Variants in GLIS3 observed in about 807,000 individuals in gnomAD.
The protein encoded by GLIS3 is GLIS family zinc finger 3.
In GLIS3, 53 loss-of-function variants were observed where a neutral mutation model predicts 78.6. The ratio of observed to expected loss-of-function variants is 0.67; its 90% CI spans 0.54 to 0.85. The LOEUF (loss-of-function observed/expected upper bound fraction) is 0.85, where lower values mean the gene tolerates loss of function less well. Among genes scored for constraint, GLIS3 ranks in the 40% least tolerant of loss-of-function variants. The pLI is 0.00. For missense variants in GLIS3, 1,703 were observed against 1,231.1 expected (o/e 1.38, Z -5.74); for synonymous variants, 684 against 509.9 (o/e 1.34, Z -4.60).
chr9:4,099,136 G>C lies in GLIS3; in HGVS notation c.1710+18632C>G, dbSNP rs887463595. ...ACCTGCAGCAGCCTGCAGGTGGCCA[G>C]CACATAGGGCTGTCTGAATTAGATT... On this transcript the variant is annotated intron_variant, in intron 4 of 10. Transcript: ENST00000381971. Among the ~76,000 whole-genome samples, 5 of 152,334 alleles carry C rather than the reference G, an allele frequency of 3.3e-5. No individual in the cohort carries two copies. In the South Asian group the frequency reaches 1.0e-3, roughly 32 times the overall value.
intron 8 of GLIS3, among the ~76,000 whole-genome samples, chr9:3,858,774 C>T (rs1563783598): frequency 6.6e-6 from 1 of 152,140 alleles, no homozygotes; most frequent in East Asian, 1.9e-4. Flanking sequence ...GAAGTGATCA[C>T]AATTATCCAG....
chr9:4,300,244 ACACT>A (rs1251578094), upstream of GLIS3, among the ~76,000 whole-genome samples: 1 of 119,738 alleles, frequency 8.4e-6, no homozygotes, highest in Non-Finnish European at 1.9e-5. Flanking sequence ...ACACACACAC[ACACT>A]CCCCGTGCGC....
Position 4,177,272 on chromosome 9 carries a change from T to C in GLIS3, c.389-51331A>G, listed in dbSNP as rs1486970935. ...CTTCATGACTCTGCCCATTTATCTA[T>C]TGGTTGGCAACATATGACCTCAAAT... On this transcript the variant is annotated intron_variant, in intron 2 of 10. Transcript: ENST00000381971. Among the ~76,000 whole-genome samples, 4 of 152,232 alleles carry C rather than the reference T, an allele frequency of 2.6e-5. No homozygotes were observed. The South Asian group carries it at 6.2e-4, about 24-fold the overall frequency.
At chr9:4,328,545 T>C (rs10974468) in intron 2 of GLIS3, among the ~76,000 whole-genome samples, 45,697 of 151,880 alleles carry the variant, frequency 0.3, 8,533 homozygotes, top group African/African-American at 0.54. Context: ...AAAGGGGAAA[T>C]CTAGAGGGGC....
chr9:4,413,401 TC>T, the GLIS3 span, among the ~76,000 whole-genome samples: 1 of 152,206 alleles, frequency 6.6e-6, no homozygotes, highest in African/African-American at 2.4e-5. Flanking sequence ...ATACTGTTAA[TC>T]CCTGTTCTAA....
the GLIS3 span, among the ~76,000 whole-genome samples, chr9:4,354,944 A>G: frequency 1.1e-3 from 174 of 152,058 alleles, 1 homozygote; most frequent in Middle Eastern, 3.4e-3. Flanking sequence ...GCGAAACCCC[A>G]TCTCTACTAA....
At chr9:4,440,724 A>G in the GLIS3 span, among the ~76,000 whole-genome samples, 1 of 152,178 alleles carries the variant, frequency 6.6e-6, no homozygotes, top group Non-Finnish European at 1.5e-5. Flanking sequence ...CAGGGGTTGC[A>G]TTGATTTTGT....
chr9:3,903,951 G>C (rs1458902953), intron 6 of GLIS3, among the ~76,000 whole-genome samples: 5 of 152,158 alleles, frequency 3.3e-5, no homozygotes, highest in Admixed American at 1.3e-4. Flanking sequence ...AACACTGAGA[G>C]AGAAGGAAGA....
intron 2 of GLIS3, among the ~76,000 whole-genome samples, chr9:4,153,429 T>A (rs928626858): frequency 3.9e-5 from 6 of 152,130 alleles, no homozygotes; most frequent in African/African-American, 1.4e-4. Context: ...CCAGGTGTGC[T>A]TGTGCACTCC....
chr9:4,098,375 A>G (rs780618185), intron 4 of GLIS3, among the ~76,000 whole-genome samples: 1 of 152,232 alleles, frequency 6.6e-6, no homozygotes, highest in Non-Finnish European at 1.5e-5. Flanking sequence ...GGAGGAGTAG[A>G]AGATGAATGA....
chr9:4,023,213 G>C (rs947484018), intron 4 of GLIS3, among the ~76,000 whole-genome samples: 3 of 152,074 alleles, frequency 2.0e-5, no homozygotes, highest in African/African-American at 7.2e-5. Context: ...CACATGGTTT[G>C]AGCTATCTGC....
chr9:4,469,887 G>A, the GLIS3 span, among the ~76,000 whole-genome samples: 3 of 151,866 alleles, frequency 2.0e-5, no homozygotes, highest in Admixed American at 1.3e-4. Context: ...TAGACCACTA[G>A]CAAGACTAAC....
chr9:4,114,572 G>A (rs1831483493), intron 4 of GLIS3, among the ~76,000 whole-genome samples: 1 of 152,126 alleles, frequency 6.6e-6, no homozygotes. Context: ...AAGCTCAGAA[G>A]GTCAAAATAA....
intron 4 of GLIS3, among the ~76,000 whole-genome samples, chr9:4,032,012 A>G (rs1022640460): frequency 1.3e-5 from 2 of 152,196 alleles, no homozygotes; most frequent in African/African-American, 4.8e-5. Context: ...AAAGGAGCCC[A>G]GGAGGTCCTT....
At chr9:4,329,975 G>T (rs1206479897) in intron 2 of GLIS3, among the ~76,000 whole-genome samples, 1 of 126,874 alleles carries the variant, frequency 7.9e-6, no homozygotes, top group African/African-American at 3.7e-5. Flanking sequence ...ATTAATCTTT[G>T]TGTTTTTCTT....
At chr9:3,976,112 T>C (rs936399650) in intron 4 of GLIS3, among the ~76,000 whole-genome samples, 1 of 152,156 alleles carries the variant, frequency 6.6e-6, no homozygotes, top group African/African-American at 2.4e-5. Flanking sequence ...TTTGGTTTCT[T>C]TAAAAAAATA....
the GLIS3 span, among the ~76,000 whole-genome samples, chr9:4,485,449 C>T: frequency 2.0e-5 from 3 of 152,150 alleles, no homozygotes; most frequent in South Asian, 6.2e-4. Flanking sequence ...CTTTCCACAC[C>T]CCTGTGATTT....
chr9:4,165,306 T>C (rs1835792067), intron 2 of GLIS3, among the ~76,000 whole-genome samples: 1 of 152,120 alleles, frequency 6.6e-6, no homozygotes, highest in Non-Finnish European at 1.5e-5. Context: ...CCGGGCGTGG[T>C]GGCACATGCC....
intron 4 of GLIS3, among the ~76,000 whole-genome samples, chr9:4,058,313 TA>T (rs897063813): frequency 2.0e-5 from 3 of 151,718 alleles, no homozygotes; most frequent in African/African-American, 7.3e-5. Context: ...CAATAAGGCA[TA>T]AAAAAAAGCA....
Sources: allele counts gnomAD v4.1 joint callset (sites outside exome capture counted in the v4.1 genomes callset), GRCh38; gene constraint gnomAD v4.1.1; transcripts MANE v1.5; gene names NCBI Gene and HGNC (gene_info 2026-07-23, HGNC 2026-07-21).